The following MSI2 variants were observed in gnomAD, a reference collection of about 807,000 sequenced individuals.
MSI2 encodes RNA-binding protein Musashi homolog 2.
MSI2 carries 17 observed loss-of-function variants against 45.6 expected under a neutral mutation model. The observed-to-expected ratio is 0.37, with a 90% CI of 0.26 to 0.56. The LOEUF (loss-of-function observed/expected upper bound fraction) is 0.56, where lower values mean the gene tolerates loss of function less well. Among genes scored for constraint, MSI2 ranks in the 20% least tolerant of loss-of-function variants. The probability of loss-of-function intolerance (pLI) is 0.77; values close to 1 mark genes in which losing one functional copy is unlikely to be tolerated. For synonymous variants in MSI2, 156 were observed against 158.2 expected (o/e 0.99, Z 0.11); for missense variants, 293 against 444.2 (o/e 0.66, Z 3.06).
rs1567976650 is a variant in MSI2 at position 57,682,207 on chromosome 17, A to AT, written c.*2697dup. The AT allele has an allele frequency of 5.3e-6, 1 of 189,556 alleles. No individual in the cohort carries two copies. Among genetic ancestry groups the AT allele is most frequent in the East Asian group, 8.4e-5 (1 of 11,840 alleles). 11.7% of individuals were successfully genotyped at this position (189,556 alleles called of 1,614,324 possible). A position where few individuals can be genotyped will look rare whatever the true frequency, so the allele number is the denominator to read the frequency against. ...TTTGGGGCAGTTTTTTCCTTTAATT[A>AT]TTTTTTTCAATTTCAAGTTTAATTT... On this transcript the variant is annotated 3_prime_UTR_variant, in exon 14 of 14. Coordinates refer to ENST00000284073, the MANE Select transcript of MSI2 (RefSeq NM_138962.4).
intron 6 of MSI2, among the ~76,000 whole-genome samples, chr17:57,439,470 A>G (rs1183837071): frequency 6.6e-6 from 1 of 152,046 alleles, no homozygotes; most frequent in African/African-American, 2.4e-5. Context: ...TCAACATCCC[A>G]CAGGGACCTC....
intron 6 of MSI2, among the ~76,000 whole-genome samples, chr17:57,405,015 AC>A (rs1184233118): frequency 6.6e-6 from 1 of 152,032 alleles, no homozygotes; most frequent in East Asian, 1.9e-4. Flanking sequence ...ACCATGAGCT[AC>A]CCAGGGGTGA....
intron 7 of MSI2, among the ~76,000 whole-genome samples, chr17:57,543,192 A>G (rs1396722376): frequency 6.6e-6 from 1 of 152,198 alleles, no homozygotes; most frequent in Non-Finnish European, 1.5e-5. Flanking sequence ...TTGGAGACCT[A>G]AAGAAATGAT....
intron 7 of MSI2, among the ~76,000 whole-genome samples, chr17:57,579,492 A>G (rs899261002): frequency 1.3e-5 from 2 of 152,160 alleles, no homozygotes; most frequent in Non-Finnish European, 2.9e-5. Flanking sequence ...CCTCCAGTCA[A>G]GGGCCGCCTT....
intron 5 of MSI2, among the ~76,000 whole-genome samples, chr17:57,301,989 G>A (rs1911454791): frequency 6.6e-6 from 1 of 152,126 alleles, no homozygotes; most frequent in African/African-American, 2.4e-5. Flanking sequence ...CATCCTTATA[G>A]ACAGTTGTTA....
chr17:57,575,894 A>G (rs1025746931), intron 7 of MSI2, among the ~76,000 whole-genome samples: 2 of 148,740 alleles, frequency 1.3e-5, no homozygotes, highest in Non-Finnish European at 3.0e-5. Flanking sequence ...GCAGTGAGCC[A>G]AGATTGTGCC....
At chr17:57,366,809 A>C (rs1465438124) in intron 5 of MSI2, among the ~76,000 whole-genome samples, 1 of 152,106 alleles carries the variant, frequency 6.6e-6, no homozygotes, top group Non-Finnish European at 1.5e-5. Context: ...TTGAAATTGC[A>C]CGTAATTTAC....
At chr17:57,362,231 CAG>C in intron 5 of MSI2, among the ~76,000 whole-genome samples, 1 of 152,338 alleles carries the variant, frequency 6.6e-6, no homozygotes, top group Middle Eastern at 3.4e-3. Flanking sequence ...TTTGTAGAAA[CAG>C]AGCTGGGCTC....
intron 7 of MSI2, among the ~76,000 whole-genome samples, chr17:57,555,306 G>A (rs1200436351): frequency 6.6e-6 from 1 of 152,222 alleles, no homozygotes; most frequent in Non-Finnish European, 1.5e-5. Context: ...ACTCTCCGGG[G>A]ACTCCTGCCT....
At chr17:57,577,160 G>A (rs567806412) in intron 7 of MSI2, among the ~76,000 whole-genome samples, 1 of 152,332 alleles carries the variant, frequency 6.6e-6, no homozygotes, top group Non-Finnish European at 1.5e-5. Flanking sequence ...CTGGGAGGGG[G>A]GCCAGGCTGC....
At chr17:57,368,325 G>A (rs1462202728) in intron 5 of MSI2, among the ~76,000 whole-genome samples, 1 of 152,168 alleles carries the variant, frequency 6.6e-6, no homozygotes, top group Non-Finnish European at 1.5e-5. Context: ...GGAGGCTGAG[G>A]CGGGCGGATT....
chr17:57,530,310 C>G (rs1165704743), intron 7 of MSI2, among the ~76,000 whole-genome samples: 1 of 152,164 alleles, frequency 6.6e-6, no homozygotes, highest in East Asian at 1.9e-4. Flanking sequence ...GTCTATGAAC[C>G]TCTGCAATGA....
intron 6 of MSI2, among the ~76,000 whole-genome samples, chr17:57,524,657 G>C (rs1015156938): frequency 1.3e-5 from 2 of 152,188 alleles, no homozygotes; most frequent in Non-Finnish European, 1.5e-5. Flanking sequence ...TTGCCACTAA[G>C]AAATCCCTCT....
intron 6 of MSI2, among the ~76,000 whole-genome samples, chr17:57,429,193 CCGA>C (rs971669810): frequency 3.3e-5 from 5 of 152,086 alleles, no homozygotes; most frequent in African/African-American, 1.2e-4. Context: ...CTGGGCTATG[CCGA>C]CTTAACCCTG....
At position 57,609,636 on chromosome 17, in the gene MSI2, C is replaced by T. The variant is rs751448930; in HGVS notation, c.538-6334C>T. On this transcript the variant is annotated intron_variant, in intron 8 of 13. Coordinates refer to ENST00000284073, the MANE Select transcript of MSI2 (RefSeq NM_138962.4). Reference sequence around the variant, plus strand: ...TACAGAGACCAGGGAAAAACAAAAGCCCTTTACTTCCCAAAGCTTGGCATA... The same window carrying T: ...TACAGAGACCAGGGAAAAACAAAAGTCCTTTACTTCCCAAAGCTTGGCATA... 7.5e-4 allele frequency among the ~76,000 whole-genome samples: 115 copies of T among 152,362 alleles called. 1 individual carries two copies. The highest frequency in any genetic ancestry group is 1.8e-3 in the Admixed American group (28 of 15,308).
chr17:57,495,754 G>C (rs997226955), intron 6 of MSI2, among the ~76,000 whole-genome samples: 1 of 152,040 alleles, frequency 6.6e-6, no homozygotes, highest in Non-Finnish European at 1.5e-5. Flanking sequence ...TCTCTCTTCA[G>C]ATAAACGTAC....
chr17:57,305,716 T>C (rs1911822987), intron 5 of MSI2, among the ~76,000 whole-genome samples: 1 of 152,184 alleles, frequency 6.6e-6, no homozygotes, highest in Non-Finnish European at 1.5e-5. Flanking sequence ...TAAAATCGAC[T>C]TAAGGTCAGC....
intron 5 of MSI2, among the ~76,000 whole-genome samples, chr17:57,339,027 G>A (rs1316869536): frequency 5.9e-5 from 9 of 152,344 alleles, no homozygotes; most frequent in Non-Finnish European, 1.2e-4. Context: ...GAGGGGATCA[G>A]ACTTTTCTTT....
intron 5 of MSI2, among the ~76,000 whole-genome samples, chr17:57,332,797 G>A (rs776152801): frequency 1.3e-5 from 2 of 152,174 alleles, no homozygotes; most frequent in Admixed American, 6.5e-5. Context: ...AGGCCAAGGC[G>A]GGTGGATCAC....
Sources: gnomAD v4.1 joint callset for allele counts (sites outside exome capture counted in the v4.1 genomes callset) on GRCh38, gnomAD v4.1.1 for gene constraint, MANE v1.5 for transcripts, NCBI Gene and HGNC (gene_info 2026-07-23, HGNC 2026-07-21) for gene names.